SBF2: variants seen among roughly 807,000 people sequenced by gnomAD.
SBF2 encodes SET binding factor 2, also known as myotubularin-related protein 13.
A neutral mutation model predicts 225.2 loss-of-function variants in SBF2; 112 were observed. The observed-to-expected ratio is 0.50, with a 90% CI of 0.43 to 0.58. The LOEUF (loss-of-function observed/expected upper bound fraction) is 0.58. Ranked by LOEUF, SBF2 falls within the 20% of genes least tolerant of loss-of-function variation. The pLI is 0.00. For synonymous variants in SBF2, 763 were observed against 773.3 expected (o/e 0.99, Z 0.22); for missense variants, 1,996 against 2,206.2 (o/e 0.90, Z 1.91).
At chr11:10,200,782 A>G (rs573152122) in intron 1 of SBF2, among the ~76,000 whole-genome samples, 44 of 152,354 alleles carry the variant, frequency 2.9e-4, no homozygotes, top group African/African-American at 1.0e-3. Flanking sequence ...CTCAATAAAA[A>G]CAATTGCAGT....
At chr11:9,856,171 T>C (rs776797698) in intron 19 of SBF2, among the ~76,000 whole-genome samples, 19 of 152,198 alleles carry the variant, frequency 1.2e-4, no homozygotes, top group Non-Finnish European at 1.9e-4. Flanking sequence ...GAATGATTTC[T>C]GTAAATTGCT....
chr11:10,242,963 A>C (rs868826012), intron 1 of SBF2, among the ~76,000 whole-genome samples: 1 of 152,192 alleles, frequency 6.6e-6, no homozygotes, highest in Non-Finnish European at 1.5e-5. Flanking sequence ...AAACTTGAAC[A>C]ACACTATAGA....
In SBF2 at chr11:9,988,819, A is replaced by G. The variant is rs1247450024; in HGVS notation, c.1395+678T>C. On this transcript the variant is annotated intron_variant, in intron 13 of 39. Transcript: ENST00000256190. The stretch of plus-strand genomic sequence containing the variant: ...ACTGCTGTTGGGAATGTAAACTAGT[A>G]CAGCTACTATGGAAAATGATGTGGA... 2.0e-5 allele frequency among the ~76,000 whole-genome samples: 3 copies of G among 152,304 alleles called. No homozygotes were observed. The East Asian group carries it at 5.8e-4, about 29-fold the overall frequency.
At chr11:9,931,913 A>G (rs1235484509) in intron 16 of SBF2, among the ~76,000 whole-genome samples, 1 of 152,202 alleles carries the variant, frequency 6.6e-6, no homozygotes. Context: ...TAACTAGAAC[A>G]AACAGTATAG....
At chr11:10,080,814 T>C (rs1468411114) in intron 2 of SBF2, among the ~76,000 whole-genome samples, 1 of 152,044 alleles carries the variant, frequency 6.6e-6, no homozygotes, top group Non-Finnish European at 1.5e-5. Context: ...GAAATAGCTA[T>C]ACTTATATCA....
chr11:10,064,416 A>G (rs1213968019), intron 2 of SBF2, among the ~76,000 whole-genome samples: 1 of 152,174 alleles, frequency 6.6e-6, no homozygotes, highest in Non-Finnish European at 1.5e-5. Context: ...TAAAGGGTAA[A>G]AAGGACCAAT....
At chr11:9,874,032 CTGGGAGACAAGAGCAAGACTTTGTCTCA>C (rs1859009274) in intron 17 of SBF2, among the ~76,000 whole-genome samples, 1 of 146,774 alleles carries the variant, frequency 6.8e-6, no homozygotes, top group African/African-American at 2.5e-5. Context: ...ACACTCCAGT[CTGGGAGACAAGAGCAAGACTTTGTCTCA>C]AAAAAAAAAA....
chr11:9,910,298 T>C (rs955293401), intron 16 of SBF2, among the ~76,000 whole-genome samples: 1 of 152,168 alleles, frequency 6.6e-6, no homozygotes, highest in East Asian at 1.9e-4. Context: ...ACTCAGACAT[T>C]TGGGCTGATG....
At chr11:10,283,434 T>C (rs1382248896) in intron 1 of SBF2, among the ~76,000 whole-genome samples, 1 of 152,154 alleles carries the variant, frequency 6.6e-6, no homozygotes. Context: ...TAAATTTACA[T>C]TCTAGCTTGT....
intron 3 of SBF2, among the ~76,000 whole-genome samples, chr11:10,031,793 A>G (rs1267955600): frequency 6.6e-6 from 1 of 152,194 alleles, no homozygotes; most frequent in Non-Finnish European, 1.5e-5. Flanking sequence ...CCCAGGCTGG[A>G]GGGCAGTGGC....
chr11:10,171,989 C>T lies in SBF2; in HGVS notation c.141+21913G>A, dbSNP rs141127536. ...TGAATATCTGCAGTATCAGTTGTAA[C>T]GTCTTCTTTTTAATCTCTGGTTTTA... On this transcript the variant is annotated intron_variant, in intron 2 of 39. Transcript: ENST00000256190. 5.8e-4 allele frequency among the ~76,000 whole-genome samples: 88 copies of T among 152,100 alleles called. No homozygotes were observed. The East Asian group carries it at 0.016, about 28-fold the overall frequency.
intron 2 of SBF2, among the ~76,000 whole-genome samples, chr11:10,186,035 G>GGCATGAACGA (rs1242926671): frequency 6.6e-6 from 1 of 152,114 alleles, no homozygotes; most frequent in Non-Finnish European, 1.5e-5. Flanking sequence ...ACTGAAATTA[G>GGCATGAACGA]GCATGAACGA....
chr11:9,931,979 C>G (rs1028268483), intron 16 of SBF2, among the ~76,000 whole-genome samples: 1 of 151,098 alleles, frequency 6.6e-6, no homozygotes, highest in African/African-American at 2.5e-5. Context: ...AACTTCGTGA[C>G]GCATGCACAA....
rs1202100407 is a variant in SBF2 at position 10,253,022 on chromosome 11, T to G, written c.55+40993A>C. On this transcript the variant is annotated intron_variant, in intron 1 of 39. Transcript: ENST00000256190. ...GCCCAGTTAGCAAACTGTTCATTGC[T>G]CAATTAAACTCCTTTAGATTTAATT... is the stretch of plus-strand genomic sequence containing the variant. 1.4e-5 allele frequency among the ~76,000 whole-genome samples: 2 copies of G among 147,332 alleles called. 1 individual carries two copies. Among genetic ancestry groups the G allele is most frequent in the South Asian group, 4.2e-4 (2 of 4,722 alleles).
chr11:10,199,133 C>A (rs937218195), intron 1 of SBF2, among the ~76,000 whole-genome samples: 29 of 152,234 alleles, frequency 1.9e-4, no homozygotes, highest in African/African-American at 5.1e-4. Context: ...TTCTTCCTTT[C>A]ACTTGACCAC....
chr11:9,935,677 G>C (rs1046770344), intron 16 of SBF2, among the ~76,000 whole-genome samples: 1 of 152,116 alleles, frequency 6.6e-6, no homozygotes, highest in African/African-American at 2.4e-5. Context: ...TCTGATCTTT[G>C]ACAAACCTGA....
intron 38 of SBF2, among the ~76,000 whole-genome samples, chr11:9,783,765 T>A (rs1852188177): frequency 6.6e-6 from 1 of 152,198 alleles, no homozygotes; most frequent in Non-Finnish European, 1.5e-5. Context: ...GGTGGGCACA[T>A]CCCCTTCTGC....
rs1864828583 is a variant in SBF2 at position 9,935,495 on chromosome 11, C to A, written c.1860+26462G>T. On this transcript the variant is annotated intron_variant, in intron 16 of 39. Coordinates refer to ENST00000256190, the MANE Select transcript of SBF2 (RefSeq NM_030962.4). The stretch of plus-strand genomic sequence containing the variant: ...GGAACCAAAAAAGGAGCCCACATTG[C>A]CAAGATAATTCTAAACAAAAAGAAG... Among the ~76,000 whole-genome samples the A allele has an allele frequency of 1.3e-5, 2 of 152,074 alleles. 1 individual carries two copies. Among genetic ancestry groups the A allele is most frequent in the South Asian group, 4.2e-4 (2 of 4,814 alleles).
chr11:10,177,723 C>A (rs1956533659), intron 2 of SBF2, among the ~76,000 whole-genome samples: 1 of 151,132 alleles, frequency 6.6e-6, no homozygotes, highest in Non-Finnish European at 1.5e-5. Flanking sequence ...ACATTCCATG[C>A]TCATGGGTAG....
Sources: allele counts gnomAD v4.1 joint callset (sites outside exome capture counted in the v4.1 genomes callset), GRCh38; gene constraint gnomAD v4.1.1; transcripts MANE v1.5; gene names NCBI Gene and HGNC (gene_info 2026-07-23, HGNC 2026-07-21).